The following PTK2 variants were observed in gnomAD, a reference collection of about 807,000 sequenced individuals.
The protein encoded by PTK2 is focal adhesion kinase 1.
A neutral mutation model predicts 150.1 loss-of-function variants in PTK2; 45 were observed. The ratio of observed to expected loss-of-function variants is 0.30; its 90% confidence interval spans 0.24 to 0.38. PTK2 has a LOEUF of 0.38. PTK2 is among the 10% of genes least tolerant of loss of function. The probability of loss-of-function intolerance (pLI) is 1.00; values close to 1 mark genes in which losing one functional copy is unlikely to be tolerated. For synonymous variants in PTK2, 432 were observed against 449.2 expected (o/e 0.96, Z 0.48); for missense variants, 919 against 1,307.3 (o/e 0.70, Z 4.58).
chr8:140,694,337 G>C (rs761547610), intron 26 of PTK2, among the ~76,000 whole-genome samples: 22 of 152,044 alleles, frequency 1.4e-4, no homozygotes, highest in Non-Finnish European at 2.1e-4. Context: ...CACCGCACCC[G>C]GCCTGGTAAG....
intron 10 of PTK2, among the ~76,000 whole-genome samples, chr8:140,809,572 G>T (rs1039231995): frequency 6.6e-6 from 1 of 152,166 alleles, no homozygotes; most frequent in East Asian, 1.9e-4. Context: ...TGGGAGGCTG[G>T]GGTGGGCAGA....
chr8:140,727,738 T>C (rs1469937870), intron 22 of PTK2, among the ~76,000 whole-genome samples: 1 of 152,206 alleles, frequency 6.6e-6, no homozygotes, highest in Non-Finnish European at 1.5e-5. Context: ...CATATCTCTA[T>C]AATACATCTA....
At chr8:140,737,672 G>C (rs1211258810) in intron 21 of PTK2, among the ~76,000 whole-genome samples, 1 of 152,138 alleles carries the variant, frequency 6.6e-6, no homozygotes, top group East Asian at 1.9e-4. Context: ...TACTTGAGTG[G>C]AAAGCAAGGA....
intron 22 of PTK2, 165 bp from the exon 26 acceptor site, chr8:140,717,874 G>T: frequency 1.8e-6 from 1 of 542,600 alleles, no homozygotes; most frequent in Non-Finnish European, 3.3e-6. Context: ...AACTCTCCAC[G>T]AAATGATTCT....
At chr8:140,695,116 C>G (rs1223364976) in intron 26 of PTK2, among the ~76,000 whole-genome samples, 1 of 152,228 alleles carries the variant, frequency 6.6e-6, no homozygotes, top group African/African-American at 2.4e-5. Flanking sequence ...CATCATGTTT[C>G]CCTGACATGG....
At chr8:140,803,741 G>T in intron 10 of PTK2, 91 bp from the exon 11 acceptor site, 1 of 1,173,738 alleles carries the variant, frequency 8.5e-7, no homozygotes, top group South Asian at 1.3e-5. Context: ...TCGTTGTCCT[G>T]AAGACATCCT....
At chr8:140,807,248 C>T (rs770467058) in intron 10 of PTK2, among the ~76,000 whole-genome samples, 23 of 152,106 alleles carry the variant, frequency 1.5e-4, no homozygotes, top group Non-Finnish European at 1.6e-4. Flanking sequence ...AAGCAATACA[C>T]GGTGCTGTAT....
intron 22 of PTK2, among the ~76,000 whole-genome samples, chr8:140,725,710 G>A (rs2100045339): frequency 6.6e-6 from 1 of 152,162 alleles, no homozygotes; most frequent in Admixed American, 6.5e-5. Context: ...CACACACAGT[G>A]CAGACTCCAA....
chr8:140,977,152 G>A (rs2100189550), intron 1 of PTK2, among the ~76,000 whole-genome samples: 1 of 152,182 alleles, frequency 6.6e-6, no homozygotes, highest in African/African-American at 2.4e-5. Context: ...CACTTTGGGA[G>A]GCCAAGGCGG....
intron 5 of PTK2, among the ~76,000 whole-genome samples, chr8:140,858,328 A>G (rs539496442): frequency 1.4e-4 from 21 of 152,204 alleles, no homozygotes; most frequent in Admixed American, 1.2e-3. Context: ...AGAAAAGGTC[A>G]TATCAGAATA....
At chr8:140,675,014 T>C (rs2100012783) in intron 28 of PTK2, among the ~76,000 whole-genome samples, 1 of 150,758 alleles carries the variant, frequency 6.6e-6, no homozygotes, top group Non-Finnish European at 1.5e-5. Flanking sequence ...GAGGTTGCAG[T>C]GAGCTCACAC....
chr8:140,881,606 G>GC (rs1568102355), intron 3 of PTK2, among the ~76,000 whole-genome samples: 1 of 152,168 alleles, frequency 6.6e-6, no homozygotes, highest in Non-Finnish European at 1.5e-5. Flanking sequence ...ATCTGCCTCA[G>GC]GTCACTTGGT....
At chr8:140,904,501 G>A (rs914108527) in intron 2 of PTK2, among the ~76,000 whole-genome samples, 5 of 152,130 alleles carry the variant, frequency 3.3e-5, no homozygotes, top group African/African-American at 1.2e-4. Context: ...TCAAGATGAT[G>A]CTGACCTCAT....
intron 1 of PTK2, among the ~76,000 whole-genome samples, chr8:140,956,056 G>A (rs1388082023): frequency 2.0e-5 from 3 of 152,130 alleles, no homozygotes; most frequent in African/African-American, 7.2e-5. Flanking sequence ...CCTCCACTAC[G>A]CCCTATGCAC....
intron 1 of PTK2, among the ~76,000 whole-genome samples, chr8:140,949,805 G>T (rs139517745): frequency 0.013 from 2,019 of 152,278 alleles, 25 homozygotes; most frequent in Non-Finnish European, 0.022. Flanking sequence ...GGTCCCCCAT[G>T]AAATTCCACC....
chr8:140,783,177 C>A (rs1029932832), intron 14 of PTK2, among the ~76,000 whole-genome samples: 2 of 152,104 alleles, frequency 1.3e-5, no homozygotes, highest in African/African-American at 4.8e-5. Flanking sequence ...GGAGGTTGAG[C>A]TGCAGTGAGC....
At chr8:140,724,765 T>C (rs1273240764) in intron 22 of PTK2, among the ~76,000 whole-genome samples, 1 of 152,210 alleles carries the variant, frequency 6.6e-6, no homozygotes, top group Non-Finnish European at 1.5e-5. Flanking sequence ...AGGAATGGAA[T>C]TGGCCTTTTA....
Position 140,991,108 on chromosome 8 carries a change from ACTGT to A in PTK2, c.-122+10013_-122+10016del, listed in dbSNP as rs1374586049. ...GACATCACCAACTTCATCCTTGTGG[ACTGT>A]CTAATTTTTATTTACCCTTTTCTTA... On this transcript the variant is annotated intron_variant, in intron 1 of 31. Transcript: ENST00000522684. 8.5e-5 allele frequency among the ~76,000 whole-genome samples: 13 copies of A among 152,330 alleles called. No individual in the cohort carries two copies. The South Asian group carries it at 1.7e-3, about 19-fold the overall frequency.
At chr8:140,856,793 A>G (rs2100132910) in intron 5 of PTK2, among the ~76,000 whole-genome samples, 1 of 152,208 alleles carries the variant, frequency 6.6e-6, no homozygotes, top group African/African-American at 2.4e-5. Context: ...AACAAAAACC[A>G]TAATTGAATA....
Sources: allele counts gnomAD v4.1 joint callset (sites outside exome capture counted in the v4.1 genomes callset), GRCh38; gene constraint gnomAD v4.1.1; transcripts MANE v1.5; gene names NCBI Gene and HGNC (gene_info 2026-07-23, HGNC 2026-07-21).